The following PLA2G4A variants were observed in gnomAD, a reference collection of about 807,000 sequenced individuals.
PLA2G4A encodes the protein cytosolic phospholipase A2.
Under a neutral mutation model 81.9 loss-of-function variants are expected in PLA2G4A, and 40 were observed. The observed-to-expected ratio is 0.49, with a 90% CI of 0.38 to 0.64. PLA2G4A has a LOEUF of 0.64. Ranked by LOEUF, PLA2G4A falls within the 30% of genes least tolerant of loss-of-function variation. The pLI is 0.00. For synonymous variants in PLA2G4A, 302 were observed against 296.9 expected, an observed-to-expected ratio of 1.02 and a Z score of -0.18; for missense variants, 715 against 905.1, an observed-to-expected ratio of 0.79 and a Z score of 2.69.
intron 6 of PLA2G4A, among the ~76,000 whole-genome samples, chr1:186,907,675 C>T (rs191623258): frequency 2.0e-4 from 30 of 152,336 alleles, no homozygotes; most frequent in African/African-American, 7.2e-4. Flanking sequence ...ACATATTTTA[C>T]ACAAATGCCA....
chr1:186,979,214 C>A (rs1657635387), intron 16 of PLA2G4A, 101 bp from the exon 17 acceptor site: 1 of 842,860 alleles, frequency 1.2e-6, no homozygotes, highest in African/African-American at 1.7e-5. Flanking sequence ...TCTGTGGGGA[C>A]TCCCACTGCT....
chr1:186,967,243 A>T (rs1304309501), intron 15 of PLA2G4A, among the ~76,000 whole-genome samples: 1 of 152,188 alleles, frequency 6.6e-6, no homozygotes, highest in Non-Finnish European at 1.5e-5. Context: ...TTCATACTTT[A>T]TCTATTTTTG....
chr1:186,988,755 G>A lies in PLA2G4A; in HGVS notation c.*247G>A. 3.2e-6 allele frequency: 1 copy of A among 311,426 alleles called. No homozygotes were observed. Among genetic ancestry groups the A allele is most frequent in the South Asian group, 3.8e-5 (1 of 26,192 alleles). 19.3% of individuals were successfully genotyped at this position (311,426 alleles called of 1,614,324 possible). A position where few individuals can be genotyped will look rare whatever the true frequency, so the allele number is the denominator to read the frequency against. On this transcript the variant is annotated 3_prime_UTR_variant, in exon 18 of 18. Transcript: ENST00000367466. ...TATGAACTTCCTGATACAAATGTAG[G>A]GATATATACTGTATTTTTAAACATT...
chr1:186,914,980 G>T (rs1274463465), intron 7 of PLA2G4A, among the ~76,000 whole-genome samples: 2 of 152,154 alleles, frequency 1.3e-5, no homozygotes, highest in Non-Finnish European at 2.9e-5. Context: ...TAGCGATGAA[G>T]CTTTTTATCA....
In PLA2G4A at chr1:186,950,651, T is replaced by C; in HGVS notation, c.1265-6T>C. The C allele has an allele frequency of 6.5e-7, 1 of 1,541,132 alleles. No individual in the cohort carries two copies. Among genetic ancestry groups the C allele is most frequent in the Non-Finnish European group, 9.0e-7 (1 of 1,113,880 alleles). On this transcript the variant is annotated splice_polypyrimidine_tract_variant and splice_region_variant and intron_variant, in intron 12 of 17. Coordinates refer to ENST00000367466, the MANE Select transcript of PLA2G4A (RefSeq NM_024420.3). The stretch of plus-strand genomic sequence containing the variant: ...ATGCTTCAATTTTTTTGTTTTCTTT[T>C]CACAGAAAATATTACCACAAAGCAT...
At chr1:186,927,590 G>A (rs1557878074) in intron 7 of PLA2G4A, among the ~76,000 whole-genome samples, 1 of 152,186 alleles carries the variant, frequency 6.6e-6, no homozygotes, top group East Asian at 1.9e-4. Flanking sequence ...TGTCATCAGA[G>A]TGTAAAAGAG....
intron 1 of PLA2G4A, among the ~76,000 whole-genome samples, chr1:186,837,966 T>C (rs1651849443): frequency 2.0e-5 from 3 of 151,900 alleles, no homozygotes; most frequent in Admixed American, 2.0e-4. Context: ...TACGCAGATT[T>C]GATGGTGGGA....
intron 7 of PLA2G4A, among the ~76,000 whole-genome samples, chr1:186,926,770 T>C (rs1655564776): frequency 6.6e-6 from 1 of 152,216 alleles, no homozygotes. Context: ...ATGATGATAA[T>C]GTCTCCTGTT....
chr1:186,889,430 C>G (rs548749463), intron 3 of PLA2G4A, among the ~76,000 whole-genome samples: 2 of 152,282 alleles, frequency 1.3e-5, no homozygotes, highest in Non-Finnish European at 1.5e-5. Flanking sequence ...TTGTGTTGCA[C>G]TCTCACTTTT....
rs1342322073 is a variant in PLA2G4A at position 186,837,594 on chromosome 1, G to A, written c.-70+8559G>A. Among the ~76,000 whole-genome samples the A allele has an allele frequency of 3.3e-5, 5 of 150,658 alleles. No homozygotes were observed. The East Asian group carries it at 9.7e-4, about 29-fold the overall frequency. On this transcript the variant is annotated intron_variant, in intron 1 of 17. Transcript: ENST00000367466. The stretch of plus-strand genomic sequence containing the variant: ...AAAAAAAAAATACAAAAAATTAGCC[G>A]GGCGTGGTGGCGGGCGCCTGTAGTC...
At chr1:186,907,483 C>T (rs568969087) in intron 6 of PLA2G4A, among the ~76,000 whole-genome samples, 1 of 152,310 alleles carries the variant, frequency 6.6e-6, no homozygotes, top group African/African-American at 2.4e-5. Flanking sequence ...GCATACTGCT[C>T]TTTCAAAATG....
intron 14 of PLA2G4A, among the ~76,000 whole-genome samples, chr1:186,961,432 AACATC>A (rs1656942991): frequency 6.6e-6 from 1 of 152,336 alleles, no homozygotes; most frequent in East Asian, 1.9e-4. Context: ...CATGTAATGA[AACATC>A]ACATTTTACC....
At chr1:186,967,931 A>G (rs1557896475) in intron 15 of PLA2G4A, among the ~76,000 whole-genome samples, 1 of 152,098 alleles carries the variant, frequency 6.6e-6, no homozygotes, top group Non-Finnish European at 1.5e-5. Flanking sequence ...GAGTTGGAGA[A>G]TGGAAGGCAA....
At chr1:186,935,070 A>C (rs1428198704) in intron 8 of PLA2G4A, among the ~76,000 whole-genome samples, 1 of 151,994 alleles carries the variant, frequency 6.6e-6, no homozygotes, top group East Asian at 1.9e-4. Context: ...ACTGCAAATA[A>C]GCTGTCATAG....
intron 16 of PLA2G4A, 66 bp downstream of exon 16, chr1:186,977,854 CTG>C: frequency 1.0e-6 from 1 of 978,556 alleles, no homozygotes; most frequent in Non-Finnish European, 1.7e-6. Flanking sequence ...TGACATTAAA[CTG>C]TTTCACTCTG....
chr1:186,969,665 C>T (rs1264404987), intron 15 of PLA2G4A, among the ~76,000 whole-genome samples: 9 of 151,772 alleles, frequency 5.9e-5, no homozygotes, highest in East Asian at 1.9e-4. Context: ...TGTCTTTCTG[C>T]GCCTGGATTA....
rs778835783 is a variant in PLA2G4A, at chr1:186,934,461, T to TACACACACAC, written c.695+1563_695+1564insCACACACACA. ...ATGTGCACATATATATATATATATA[T>TACACACACAC]ATACATACACAGAGAGAGTAATTAA... is the stretch of plus-strand genomic sequence containing the variant. On this transcript the variant is annotated intron_variant, in intron 8 of 17. Transcript: ENST00000367466. Among the ~76,000 whole-genome samples, 976 of 137,718 alleles carry TACACACACAC rather than the reference T, an allele frequency of 7.1e-3. 23 individuals are homozygous for TACACACACAC. The highest frequency in any genetic ancestry group is 0.025 in the African/African-American group (924 of 37,350). 90.3% of individuals were successfully genotyped at this position (137,718 alleles called of 152,430 possible).
intron 1 of PLA2G4A, among the ~76,000 whole-genome samples, chr1:186,843,132 C>A (rs1478380818): frequency 6.6e-6 from 1 of 152,072 alleles, no homozygotes; most frequent in Non-Finnish European, 1.5e-5. Flanking sequence ...AAATTACTTA[C>A]CTTTCCAAAT....
At chr1:186,927,039 G>GA (rs796146221) in intron 7 of PLA2G4A, among the ~76,000 whole-genome samples, 40 of 152,014 alleles carry the variant, frequency 2.6e-4, no homozygotes, top group African/African-American at 7.7e-4. Context: ...TAAGATTTTT[G>GA]AAAAAAATTA....
Sources: allele counts gnomAD v4.1 joint callset (sites outside exome capture counted in the v4.1 genomes callset), GRCh38; gene constraint gnomAD v4.1.1; transcripts MANE v1.5; gene names NCBI Gene and HGNC (gene_info 2026-07-23, HGNC 2026-07-21).